Variants in PSME4 observed in about 807,000 individuals in gnomAD.
PSME4 encodes the protein proteasome activator subunit 4.
A neutral mutation model predicts 253.9 loss-of-function variants in PSME4; 89 were observed. The observed-to-expected ratio is 0.35, with a 90% CI of 0.30 to 0.42. The LOEUF is 0.42. Among genes scored for constraint, PSME4 ranks in the 10% least tolerant of loss-of-function variants. The probability of loss-of-function intolerance (pLI) is 1.00; values close to 1 mark genes in which losing one functional copy is unlikely to be tolerated. For missense variants in PSME4, 2,014 were observed against 2,195.2 expected, an observed-to-expected ratio of 0.92 and a Z score of 1.65; for synonymous variants, 851 against 759.2, an observed-to-expected ratio of 1.12 and a Z score of -1.99.
At chr2:53,895,164 GAA>G in intron 33 of PSME4, 88 bp from the exon 34 acceptor site, 1 of 1,145,432 alleles carries the variant, frequency 8.7e-7, no homozygotes, top group Non-Finnish European at 1.3e-6. Flanking sequence ...CACTTTTAAT[GAA>G]CTCTAACTAG....
chr2:53,924,222 GA>G (rs1380558179), intron 14 of PSME4, among the ~76,000 whole-genome samples: 1 of 152,140 alleles, frequency 6.6e-6, no homozygotes, highest in Non-Finnish European at 1.5e-5. Flanking sequence ...TAACAATACT[GA>G]AAAGTATAAA....
rs372988239 is a variant in PSME4 at position 53,895,023 on chromosome 2, C to T, written c.3896G>A (p.Arg1299Lys). Residue 1299 changes from arginine to lysine, a missense_variant, in exon 34 of 47, where the codon AGG (arginine) becomes AAG (lysine). Coordinates refer to ENST00000404125, the MANE Select transcript of PSME4 (RefSeq NM_014614.3). ...VEEQPKLGRS[R>K]EDMTEAEQII... ...AATGCTTACCTCTGTCATATCCTCC[C>T]TGCTTCTGCCAAGCTTAGGCTGCTC... is the stretch of plus-strand genomic sequence containing the variant. 2.9e-5 allele frequency: 46 copies of T among 1,612,974 alleles called. No homozygotes were observed. Among genetic ancestry groups the T allele is most frequent in the Non-Finnish European group, 3.8e-5 (45 of 1,179,806 alleles).
chr2:53,940,979 A>G (rs1282025785), intron 3 of PSME4, among the ~76,000 whole-genome samples: 1 of 69,314 alleles, frequency 1.4e-5, no homozygotes, highest in African/African-American at 4.0e-5. Flanking sequence ...ATATATATAT[A>G]TATATATATA....
At chr2:53,905,005 G>A (rs1207190051) in intron 26 of PSME4, among the ~76,000 whole-genome samples, 1 of 146,520 alleles carries the variant, frequency 6.8e-6, no homozygotes, top group Admixed American at 6.9e-5. Context: ...CAAAAAAAGA[G>A]TTTGAAATAT....
chr2:53,885,741 G>C lies in PSME4; in HGVS notation c.4764C>G (p.Ser1588=). Residue 1588 remains serine (S), a synonymous_variant, in exon 41 of 47, where the codon TCC becomes TCG. Coordinates refer to ENST00000404125, the MANE Select transcript of PSME4 (RefSeq NM_014614.3). The part of the protein sequence containing the change: ...LKWLMASAGR[S]FSTAVTEQLQ... The stretch of plus-strand genomic sequence containing the variant: ...GTTGTTCTGTAACTGCTGTAGAAAA[G>C]GATCTTCCTGCACTTGCCATCAGCC... 3.7e-6 allele frequency: 6 copies of C among 1,613,064 alleles called. No individual in the cohort carries two copies. The highest frequency in any genetic ancestry group is 5.1e-6 in the Non-Finnish European group (6 of 1,179,272).
At chr2:53,889,967 A>T in intron 37 of PSME4, 137 bp downstream of exon 37, 1 of 677,848 alleles carries the variant, frequency 1.5e-6, no homozygotes, top group Admixed American at 2.9e-5. Flanking sequence ...AATCCCATGG[A>T]AATAAAAAAT....
At chr2:53,908,740 C>T (rs1385861456) in intron 22 of PSME4, 44 bp downstream of exon 22, 1 of 1,510,536 alleles carries the variant, frequency 6.6e-7, no homozygotes, top group South Asian at 1.2e-5. Flanking sequence ...TTCCAAAATA[C>T]TTATTCCAAA....
Position 53,934,709 on chromosome 2 carries a change from T to A in PSME4, c.853A>T (p.Arg285Ter). 6.3e-7 allele frequency: 1 copy of A among 1,592,304 alleles called. No individual in the cohort carries two copies. The highest frequency in any genetic ancestry group is 8.6e-7 in the Non-Finnish European group (1 of 1,162,106). ...CTTCCCACTGGGAGGTTCAAGCTTC[T>A]CAGAATTCTTGTAAATATCTTTTAA... ...YVPKIFTRIL[R>*]SLNLPVGSSQ... is the part of the protein sequence containing the mutation. The change falls in exon 8 of 47, where the codon AGA becomes TGA. Residue 285 changes from arginine (R) to a stop codon, truncating the protein, a stop_gained. Coordinates refer to ENST00000404125, the MANE Select transcript of PSME4 (RefSeq NM_014614.3). LOFTEE classifies it high-confidence loss of function.
intron 3 of PSME4, among the ~76,000 whole-genome samples, chr2:53,942,495 G>T (rs938150177): frequency 2.0e-5 from 3 of 151,828 alleles, no homozygotes; most frequent in Admixed American, 1.3e-4. Flanking sequence ...GCATATAATG[G>T]TTTACAGTTT....
chr2:53,969,114 A>G lies in PSME4; in HGVS notation c.242+1429T>C, dbSNP rs186044781. On this transcript the variant is annotated intron_variant, in intron 1 of 46. Transcript: ENST00000404125. ...CACAAAAACCTAGGAGTCTCACTTG[A>G]AAAAGCATTTGGATTTTAACTATTT... 2.6e-5 allele frequency among the ~76,000 whole-genome samples: 4 copies of G among 152,318 alleles called. No homozygotes were observed. In the East Asian group the frequency reaches 7.7e-4, roughly 29 times the overall value.
At chr2:53,908,991 G>A (rs1667697728) in intron 21 of PSME4, 151 bp from the exon 22 acceptor site, 3 of 535,132 alleles carry the variant, frequency 5.6e-6, no homozygotes, top group Non-Finnish European at 6.7e-6. Flanking sequence ...GGCTAGGCAT[G>A]CTACAGCAAC....
intron 37 of PSME4, among the ~76,000 whole-genome samples, chr2:53,889,759 T>C (rs2104425234): frequency 1.3e-5 from 2 of 152,336 alleles, no homozygotes; most frequent in South Asian, 4.1e-4. Context: ...GTAAGTGACA[T>C]TTCCAAATAC....
intron 41 of PSME4, among the ~76,000 whole-genome samples, chr2:53,879,537 A>C (rs1180387173): frequency 1.3e-5 from 2 of 152,222 alleles, no homozygotes; most frequent in Non-Finnish European, 2.9e-5. Flanking sequence ...GTAACTGTCA[A>C]CAGGAACCAA....
At chr2:53,912,260 A>G (rs1667859107) in intron 20 of PSME4, among the ~76,000 whole-genome samples, 1 of 152,136 alleles carries the variant, frequency 6.6e-6, no homozygotes, top group Non-Finnish European at 1.5e-5. Context: ...GTGGCACTTG[A>G]GTATGAATGT....
chr2:53,908,616 T>A (rs754578173), intron 22 of PSME4, 51 bp from the exon 23 acceptor site: 5 of 1,546,420 alleles, frequency 3.2e-6, no homozygotes, highest in Non-Finnish European at 4.4e-6. Context: ...TGAACTACTA[T>A]AAGAATCTTG....
chr2:53,935,504 G>A (rs1045100498), intron 7 of PSME4, among the ~76,000 whole-genome samples: 1 of 152,148 alleles, frequency 6.6e-6, no homozygotes, highest in Non-Finnish European at 1.5e-5. Context: ...TAGTACTGAA[G>A]ACACACCTGG....
chr2:53,933,375 C>CGAAAAAAA (rs1668942052), intron 8 of PSME4, among the ~76,000 whole-genome samples: 1 of 60,628 alleles, frequency 1.6e-5, no homozygotes, highest in African/African-American at 8.4e-5. Context: ...GAGACCATCT[C>CGAAAAAAA]AAAAAAAAAA....
intron 41 of PSME4, among the ~76,000 whole-genome samples, chr2:53,877,873 A>T (rs1397241908): frequency 1.3e-5 from 2 of 152,184 alleles, no homozygotes; most frequent in African/African-American, 2.4e-5. Flanking sequence ...TAAATATTTT[A>T]CCTCAGTTAA....
At chr2:53,962,569 C>G (rs984190836) in intron 1 of PSME4, among the ~76,000 whole-genome samples, 1 of 152,188 alleles carries the variant, frequency 6.6e-6, no homozygotes, top group Non-Finnish European at 1.5e-5. Context: ...AACTGCCTTT[C>G]TTAGTGCCTC....
Sources: gnomAD v4.1 joint callset for allele counts (sites outside exome capture counted in the v4.1 genomes callset) on GRCh38, gnomAD v4.1.1 for gene constraint, MANE v1.5 for transcripts, NCBI Gene and HGNC (gene_info 2026-07-23, HGNC 2026-07-21) for gene names.